Variants in ENAH observed in about 807,000 individuals in gnomAD.
ENAH encodes protein enabled homolog.
In ENAH, 23 loss-of-function variants were observed where a neutral mutation model predicts 78.7. The ratio of observed to expected loss-of-function variants is 0.29; its 90% CI spans 0.21 to 0.41. The LOEUF is 0.41. Among genes scored for constraint, ENAH ranks in the 10% least tolerant of loss-of-function variants. The pLI is 1.00. For missense variants in ENAH, 544 were observed against 691.0 expected, an observed-to-expected ratio of 0.79 and a Z score of 2.39; for synonymous variants, 226 against 241.0, an observed-to-expected ratio of 0.94 and a Z score of 0.58.
intron 4 of ENAH, among the ~76,000 whole-genome samples, chr1:225,520,234 G>A (rs1473448657): frequency 2.0e-5 from 3 of 151,582 alleles, no homozygotes; most frequent in Admixed American, 6.6e-5. Flanking sequence ...GGCAGAGGCT[G>A]CAGTGAGCCG....
At chr1:225,613,591 C>A (rs1239244609) in intron 1 of ENAH, among the ~76,000 whole-genome samples, 1 of 151,668 alleles carries the variant, frequency 6.6e-6, no homozygotes, top group Non-Finnish European at 1.5e-5. Context: ...CTTATTGAAC[C>A]AAAGAAAATG....
intron 1 of ENAH, among the ~76,000 whole-genome samples, chr1:225,629,693 C>G (rs1402488449): frequency 2.6e-5 from 4 of 151,990 alleles, no homozygotes; most frequent in South Asian, 2.1e-4. Flanking sequence ...AGAAAAAAAG[C>G]AGAGTCTGCA....
At chr1:225,528,394 C>G (rs1392748320) in intron 4 of ENAH, among the ~76,000 whole-genome samples, 4 of 152,088 alleles carry the variant, frequency 2.6e-5, no homozygotes, top group Non-Finnish European at 5.9e-5. Flanking sequence ...ATGGTGTACA[C>G]AGAGACAGTC....
chr1:225,589,411 C>T (rs2096864211), intron 1 of ENAH, among the ~76,000 whole-genome samples: 2 of 152,194 alleles, frequency 1.3e-5, no homozygotes, highest in Admixed American at 6.6e-5. Context: ...TTTAGAAATG[C>T]ATCTAAATAA....
chr1:225,526,588 C>T (rs948640193), intron 4 of ENAH, among the ~76,000 whole-genome samples: 3 of 151,832 alleles, frequency 2.0e-5, no homozygotes, highest in Non-Finnish European at 2.9e-5. Context: ...CTGCCCACCT[C>T]AGCCTCCCAA....
At chr1:225,538,559 C>T (rs1055053377) in intron 3 of ENAH, among the ~76,000 whole-genome samples, 4 of 151,416 alleles carry the variant, frequency 2.6e-5, no homozygotes, top group Middle Eastern at 3.2e-3. Context: ...TCTTCCCCCC[C>T]GCCTTTTTTT....
intron 5 of ENAH, chr1:225,517,643 T>C (rs1282123194): frequency 1.9e-6 from 3 of 1,550,448 alleles, no homozygotes; most frequent in Non-Finnish European, 2.6e-6. Flanking sequence ...AAATTGGAAG[T>C]AGACCAGGCA....
At chr1:225,531,064 A>G in intron 3 of ENAH, 1 of 399,098 alleles carries the variant, frequency 2.5e-6, no homozygotes, top group East Asian at 3.6e-5. Context: ...AACACTGGAA[A>G]TGAAAAACAG....
At chr1:225,509,133 G>A (rs2151094336) in intron 10 of ENAH, among the ~76,000 whole-genome samples, 1 of 152,214 alleles carries the variant, frequency 6.6e-6, no homozygotes, top group East Asian at 1.9e-4. Context: ...CGCCACAGTG[G>A]TGTCAAGTTC....
chr1:225,653,700 C>G (rs1270013890), upstream of ENAH, among the ~76,000 whole-genome samples: 3 of 152,202 alleles, frequency 2.0e-5, no homozygotes, highest in African/African-American at 2.4e-5. This position sits in a 1 kb window ranked among gnomAD's most constrained non-coding sequence, Gnocchi z 4.3. Context: ...GGGGCGAGTG[C>G]TCAGCCCGCC....
rs376881731 is a variant in ENAH, at chr1:225,606,802, C to T, written c.6-39388G>A. Among the ~76,000 whole-genome samples the T allele has an allele frequency of 2.9e-5, 4 of 138,530 alleles. No individual in the cohort carries two copies. In the South Asian group the frequency reaches 9.1e-4, roughly 31 times the overall value. 90.9% of individuals were successfully genotyped at this position (138,530 alleles called of 152,430 possible). On this transcript the variant is annotated intron_variant, in intron 1 of 13. Coordinates refer to ENST00000366843, the MANE Select transcript of ENAH (RefSeq NM_018212.6). ...GGATTGCAGTGAGCCAACATAACAC[C>T]ACTACACTCCATCCTGGACGACAGT...
chr1:225,615,816 C>G (rs1157430944), intron 1 of ENAH, among the ~76,000 whole-genome samples: 2 of 151,850 alleles, frequency 1.3e-5, no homozygotes, highest in African/African-American at 4.8e-5. Flanking sequence ...GCCGCCACCC[C>G]GTCTGGGAGG....
chr1:225,527,605 A>C (rs1429500354), intron 4 of ENAH, among the ~76,000 whole-genome samples: 1 of 152,236 alleles, frequency 6.6e-6, no homozygotes, highest in Non-Finnish European at 1.5e-5. Flanking sequence ...GATATATGTC[A>C]AAGAAAAATG....
chr1:225,562,339 G>A (rs1450176160), intron 2 of ENAH, among the ~76,000 whole-genome samples: 12 of 151,948 alleles, frequency 7.9e-5, no homozygotes, highest in Admixed American at 2.6e-4. Flanking sequence ...TTGGGAGGCT[G>A]AGGCGGGCAG....
At chr1:225,527,593 G>A (rs988758036) in intron 4 of ENAH, among the ~76,000 whole-genome samples, 5 of 152,088 alleles carry the variant, frequency 3.3e-5, no homozygotes, top group African/African-American at 9.7e-5. Context: ...CAGATTGTAC[G>A]GGATATATGT....
chr1:225,543,690 A>G lies in ENAH; in HGVS notation c.349+11216T>C, dbSNP rs192520141. On this transcript the variant is annotated intron_variant, in intron 3 of 13. Transcript: ENST00000366843. ...TTATTTGTTTCTCTCATCTCATGTA[A>G]CATAGTACCTTAACAGGAATACAAA... is the stretch of plus-strand genomic sequence containing the variant. 2.3e-3 allele frequency among the ~76,000 whole-genome samples: 357 copies of G among 152,334 alleles called. 2 individuals carry two copies. The highest frequency in any genetic ancestry group is 4.1e-3 in the Non-Finnish European group (280 of 68,022).
intron 1 of ENAH, among the ~76,000 whole-genome samples, chr1:225,592,935 T>C (rs2096883844): frequency 6.6e-6 from 1 of 152,142 alleles, no homozygotes; most frequent in South Asian, 2.1e-4. Context: ...ACATATTTAT[T>C]TCTCTTTCTC....
intron 1 of ENAH, among the ~76,000 whole-genome samples, chr1:225,639,322 T>C (rs1660601077): frequency 6.6e-6 from 1 of 152,070 alleles, no homozygotes; most frequent in Non-Finnish European, 1.5e-5. Flanking sequence ...GATTTATGCA[T>C]TTAGCTGTAT....
At chr1:225,632,026 T>C (rs1480948112) in intron 1 of ENAH, among the ~76,000 whole-genome samples, 1 of 152,214 alleles carries the variant, frequency 6.6e-6, no homozygotes, top group Non-Finnish European at 1.5e-5. Context: ...CACAAAACAT[T>C]TTTGTTTTTT....
Sources: allele counts gnomAD v4.1 joint callset (sites outside exome capture counted in the v4.1 genomes callset), GRCh38; gene constraint gnomAD v4.1.1; non-coding constraint Gnocchi (gnomAD v3.1); transcripts MANE v1.5; gene names NCBI Gene and HGNC (gene_info 2026-07-23, HGNC 2026-07-21).